Variants in CPLANE2 observed in about 807,000 individuals in gnomAD.
CPLANE2 encodes the protein ciliogenesis and planar polarity effector 2.
Under a neutral mutation model 20.9 loss-of-function variants are expected in CPLANE2, and 24 were observed. The ratio of observed to expected loss-of-function variants is 1.15; its 90% CI spans 0.83 to 1.61. CPLANE2 has a LOEUF of 1.61. Ranked by LOEUF, CPLANE2 falls within the 40% of genes most tolerant of loss-of-function variation. CPLANE2 has a pLI of 0.00. For missense variants in CPLANE2, 330 were observed against 355.1 expected (o/e 0.93, Z 0.57); for synonymous variants, 132 against 144.3 (o/e 0.92, Z 0.61).
In CPLANE2 at chr1:16,231,882, T is replaced by C. The variant is rs1484037953; in HGVS notation, c.*166A>G. 4 of 993,928 alleles carry C rather than the reference T, an allele frequency of 4.0e-6. No individual in the cohort carries two copies. The Admixed American group carries it at 8.1e-5, about 20-fold the overall frequency. 61.6% of individuals were successfully genotyped at this position (993,928 alleles called of 1,614,324 possible). ...TGGTCCCCACCTCCCTGCCATGAAT[T>C]CTGCAAGGAAAGCGCTGCTCGCGGG... On this transcript the variant is annotated 3_prime_UTR_variant, in exon 5 of 5. Transcript: ENST00000375599.
At position 16,232,019 on chromosome 1, in the gene CPLANE2, G is replaced by A; in HGVS notation, c.*29C>T. 8 of 1,589,916 alleles carry A rather than the reference G, an allele frequency of 5.0e-6. No homozygotes were observed. Among genetic ancestry groups the A allele is most frequent in the African/African-American group, 1.3e-5 (1 of 74,840 alleles). Reference sequence around the variant, plus strand: ...CCCTATGTCGAGACCTGAGGGTTGGGGGTGGGATCACAGGCAACCACTCGT... The same window carrying A: ...CCCTATGTCGAGACCTGAGGGTTGGAGGTGGGATCACAGGCAACCACTCGT... On this transcript the variant is annotated 3_prime_UTR_variant, in exon 5 of 5. Transcript: ENST00000375599.
At chr1:16,233,160 G>A (rs190718192) in intron 2 of CPLANE2, 143 bp from the exon 3 acceptor site, 65 of 927,998 alleles carry the variant, frequency 7.0e-5, no homozygotes, top group Middle Eastern at 3.3e-4. Context: ...TCCTTGACCC[G>A]GGATAATTCT....
Position 16,231,902 on chromosome 1 carries a change from C to A in CPLANE2, c.*146G>T. The stretch of plus-strand genomic sequence containing the variant: ...TGAATTCTGCAAGGAAAGCGCTGCT[C>A]GCGGGTGGGCCTTCTCTGGCCACAT... On this transcript the variant is annotated 3_prime_UTR_variant, in exon 5 of 5. Coordinates refer to ENST00000375599, the MANE Select transcript of CPLANE2 (RefSeq NM_030907.4). 1 of 1,181,020 alleles carries A rather than the reference C, an allele frequency of 8.5e-7. No homozygotes were observed. Among genetic ancestry groups the A allele is most frequent in the Non-Finnish European group, 1.2e-6 (1 of 844,870 alleles). 73.2% of individuals were successfully genotyped at this position (1,181,020 alleles called of 1,614,324 possible). A position where few individuals can be genotyped will look rare whatever the true frequency, so the allele number is the denominator to read the frequency against.
chr1:16,234,337 G>A (rs1201520763), intron 1 of CPLANE2, among the ~76,000 whole-genome samples: 1 of 151,518 alleles, frequency 6.6e-6, no homozygotes, highest in Non-Finnish European at 1.5e-5. Flanking sequence ...CTGGGAGGTG[G>A]AAGTTGCTAA....
At chr1:16,236,485 G>A in intron 1 of CPLANE2, 146 bp downstream of exon 1, 1 of 651,192 alleles carries the variant, frequency 1.5e-6, no homozygotes. Context: ...AGGGCTTTCA[G>A]TCCCCCAGGC....
chr1:16,236,723 G>A lies in CPLANE2; in HGVS notation c.20C>T (p.Pro7Leu), dbSNP rs947424262. Residue 7 changes from proline (P) to leucine (L), a missense_variant, in exon 1 of 5, where the codon CCC becomes CTC. By Grantham distance (98) the Pro-to-Leu change is moderately conservative. Transcript: ENST00000375599. The stretch of plus-strand genomic sequence containing the variant: ...CCAGTTTGGGACAACCACCGAACCG[G>A]GCACGGGAGGTCTGGCCATGGCTGG... MARPPV[P>L]GSVVVPNWHE... 8.4e-6 allele frequency: 13 copies of A among 1,556,744 alleles called. No individual in the cohort carries two copies. The highest frequency in any genetic ancestry group is 1.1e-5 in the Non-Finnish European group (13 of 1,149,256).
Position 16,232,114 on chromosome 1 carries a change from C to A in CPLANE2, c.711G>T (p.Gln237His). Residue 237 changes from glutamine to histidine, a missense_variant, in exon 5 of 5, where the codon CAG becomes CAT. By Grantham distance (24) the Gln-to-His change is conservative (BLOSUM62 0). Coordinates refer to ENST00000375599, the MANE Select transcript of CPLANE2 (RefSeq NM_030907.4). ...CCGCCACCTGGTCCTGGTGCCACAGCTGCTCAGCAAGGCCATTGAGTATGT... is the reference window on the plus strand; with the variant it reads ...CCGCCACCTGGTCCTGGTGCCACAGATGCTCAGCAAGGCCATTGAGTATGT... Reference protein sequence around the residue: ...VAHILNGLAEQLWHQDQVAAG... With the variant: ...VAHILNGLAEHLWHQDQVAAG... The A allele has an allele frequency of 6.2e-7, 1 of 1,613,542 alleles. No individual in the cohort carries two copies. Among genetic ancestry groups the A allele is most frequent in the Non-Finnish European group, 8.5e-7 (1 of 1,180,012 alleles).
In CPLANE2 at chr1:16,232,134, G is replaced by A; in HGVS notation, c.691C>T (p.Leu231Phe). 1 of 1,613,550 alleles carries A rather than the reference G, an allele frequency of 6.2e-7. No individual in the cohort carries two copies. Among genetic ancestry groups the A allele is most frequent in the South Asian group, 1.1e-5 (1 of 91,078 alleles). The change falls in exon 5 of 5, where the codon CTC (leucine) becomes TTC (phenylalanine). Residue 231 changes from leucine to phenylalanine, a missense_variant. By Grantham distance (22) the Leu-to-Phe change is conservative. Coordinates refer to ENST00000375599, the MANE Select transcript of CPLANE2 (RefSeq NM_030907.4). ...RAGLADVAHILNGLAEQLWHQ... is the reference protein window; with the variant it reads ...RAGLADVAHIFNGLAEQLWHQ... Reference sequence around the variant, plus strand: ...CACAGCTGCTCAGCAAGGCCATTGAGTATGTGGGCAACGTCGGCCAGCCCA... The same window carrying A: ...CACAGCTGCTCAGCAAGGCCATTGAATATGTGGGCAACGTCGGCCAGCCCA...
In CPLANE2 at chr1:16,232,590, G is replaced by A. The variant is rs905375820; in HGVS notation, c.447C>T (p.Ala149=). Residue 149 remains alanine (A), a synonymous_variant, in exon 4 of 5, where the codon GCC becomes GCT. Coordinates refer to ENST00000375599, the MANE Select transcript of CPLANE2 (RefSeq NM_030907.4). ...FLFLFSFTDR[A]SFEDLPGQLA... is the part of the protein sequence containing the mutation. The stretch of plus-strand genomic sequence containing the variant: ...GCTGTCCAGGGAGGTCTTCAAAGGA[G>A]GCACGGTCAGTGAAGGAGAAGAGGA... 3.1e-6 allele frequency: 5 copies of A among 1,614,020 alleles called. No homozygotes were observed. The highest frequency in any genetic ancestry group is 3.4e-6 in the Non-Finnish European group (4 of 1,180,018).
At position 16,231,958 on chromosome 1, in the gene CPLANE2, T is replaced by C; in HGVS notation, c.*90A>G. 6.5e-7 allele frequency: 1 copy of C among 1,529,066 alleles called. No individual in the cohort carries two copies. Among genetic ancestry groups the C allele is most frequent in the Non-Finnish European group, 8.8e-7 (1 of 1,130,722 alleles). The allele number at this position is 1,529,066 out of a possible 1,614,324, so 94.7% of individuals were successfully genotyped here. On this transcript the variant is annotated 3_prime_UTR_variant, in exon 5 of 5. Transcript: ENST00000375599. ...CTGATCAGGCCATGCTGGCCAGTCC[T>C]CCAGATAGGATCCATGTTCCTGCCC...
chr1:16,232,206 C>T lies in CPLANE2; in HGVS notation c.619G>A (p.Val207Met), dbSNP rs541881333. The T allele has an allele frequency of 6.2e-7, 1 of 1,612,686 alleles. No homozygotes were observed. Among genetic ancestry groups the T allele is most frequent in the East Asian group, 2.2e-5 (1 of 44,884 alleles). The change falls in exon 5 of 5, where the codon GTG becomes ATG. Residue 207 changes from valine (V) to methionine (M), a missense_variant. Physicochemically the swap from Val to Met is conservative, Grantham distance 21. Coordinates refer to ENST00000375599, the MANE Select transcript of CPLANE2 (RefSeq NM_030907.4). ...WELPLLRVKS[V>M]PGRRLADGRT... Reference sequence around the variant, plus strand: ...CCATCAGCCAGCCGCCGCCCCGGCACACTCTTCACCCGTAGCAGGGGCAGC... The same window carrying T: ...CCATCAGCCAGCCGCCGCCCCGGCATACTCTTCACCCGTAGCAGGGGCAGC...
At chr1:16,232,376 G>A in intron 4 of CPLANE2, 79 bp from the exon 5 acceptor site, 1 of 1,529,846 alleles carries the variant, frequency 6.5e-7, no homozygotes, top group Non-Finnish European at 8.8e-7. Context: ...CCTCCCTGGA[G>A]CCCACACCCA....
intron 1 of CPLANE2, among the ~76,000 whole-genome samples, chr1:16,234,762 C>T (rs150591848): frequency 0.028 from 4,204 of 151,918 alleles, 87 homozygotes; most frequent in Non-Finnish European, 0.043. Context: ...GACGGAGTTT[C>T]GCTTTTGTTG....
chr1:16,233,015 T>A lies in CPLANE2; in HGVS notation c.268A>T (p.Ile90Phe), dbSNP rs747137801. The change falls in exon 3 of 5, where the codon ATC (isoleucine) becomes TTC (phenylalanine). Residue 90 changes from isoleucine to phenylalanine, a missense_variant and splice_region_variant. By Grantham distance (21) the Ile-to-Phe change is conservative. Transcript: ENST00000375599. ...VPVVHHETTG[I>F]QTTVVFWPAK... ...GGCCAAAATACCACGGTGGTCTGGA[T>A]GCCTGAGGGGGAGCCAGGGTCAGCC... 1.2e-6 allele frequency: 2 copies of A among 1,613,980 alleles called. No homozygotes were observed. Among genetic ancestry groups the A allele is most frequent in the Non-Finnish European group, 1.7e-6 (2 of 1,179,998 alleles).
chr1:16,236,481 T>C (rs1388990428), intron 1 of CPLANE2, 150 bp downstream of exon 1: 4 of 643,358 alleles, frequency 6.2e-6, no homozygotes, highest in Non-Finnish European at 8.5e-6. Flanking sequence ...AGCTAGGGCT[T>C]TCAGTCCCCC....
intron 2 of CPLANE2, among the ~76,000 whole-genome samples, chr1:16,233,349 C>A (rs979835883): frequency 2.6e-5 from 4 of 152,198 alleles, no homozygotes; most frequent in Non-Finnish European, 5.9e-5. Context: ...TGAGAAACAA[C>A]AAAGCAAGAT....
intron 1 of CPLANE2, among the ~76,000 whole-genome samples, chr1:16,235,861 A>C (rs1335037011): frequency 1.3e-5 from 2 of 151,872 alleles, no homozygotes; most frequent in East Asian, 3.9e-4. Flanking sequence ...TTGTATTTTT[A>C]GTAAAGATGG....
chr1:16,231,705 T>C lies in CPLANE2; in HGVS notation c.*343A>G. 1 of 344,914 alleles carries C rather than the reference T, an allele frequency of 2.9e-6. No individual in the cohort carries two copies. Among genetic ancestry groups the C allele is most frequent in the Non-Finnish European group, 5.4e-6 (1 of 185,420 alleles). 21.4% of individuals were successfully genotyped at this position (344,914 alleles called of 1,614,324 possible). A position where few individuals can be genotyped will look rare whatever the true frequency, so the allele number is the denominator to read the frequency against. On this transcript the variant is annotated 3_prime_UTR_variant, in exon 5 of 5. Coordinates refer to ENST00000375599, the MANE Select transcript of CPLANE2 (RefSeq NM_030907.4). ...ACGTCTCTGGAGTTCAGCACTGGGA[T>C]TTCGGGGTTTATCTGTTACAACAGA... is the stretch of plus-strand genomic sequence containing the variant.
rs781443370 is a variant in CPLANE2, at chr1:16,232,043, G to T, written c.*5C>A. 7 of 1,611,252 alleles carry T rather than the reference G, an allele frequency of 4.3e-6. No homozygotes were observed. The highest frequency in any genetic ancestry group is 1.7e-5 in the Admixed American group (1 of 59,976). On this transcript the variant is annotated 3_prime_UTR_variant, in exon 5 of 5. Transcript: ENST00000375599. ...GGGGTGGGATCACAGGCAACCACTC[G>T]TGACTCATTCAGGAGCACTCTCTGG...
Sources: gnomAD v4.1 joint callset for allele counts (sites outside exome capture counted in the v4.1 genomes callset) on GRCh38, gnomAD v4.1.1 for gene constraint, MANE v1.5 for transcripts, NCBI Gene and HGNC (gene_info 2026-07-23, HGNC 2026-07-21) for gene names.